Variants in SAMM50 observed in about 807,000 individuals in gnomAD.
SAMM50 encodes sorting and assembly machinery component 50 homolog.
SAMM50 carries 47 observed loss-of-function variants against 66.9 expected under a neutral mutation model. The ratio of observed to expected loss-of-function variants is 0.70; its 90% CI spans 0.56 to 0.90. The LOEUF is 0.90. Among genes scored for constraint, SAMM50 ranks in the 40% least tolerant of loss-of-function variants. The pLI is 0.00. For synonymous variants in SAMM50, 191 were observed against 214.1 expected (o/e 0.89, Z 0.94); for missense variants, 535 against 595.3 (o/e 0.90, Z 1.05).
intron 3 of SAMM50, among the ~76,000 whole-genome samples, chr22:43,966,055 G>A (rs1272096972): frequency 1.3e-5 from 2 of 152,172 alleles, no homozygotes; most frequent in Non-Finnish European, 2.9e-5. Context: ...TGTCCAGGCT[G>A]ATCTGGAACT....
rs754519677 is a variant in SAMM50 at position 43,955,541 on chromosome 22, C to T, written c.-37C>T. On this transcript the variant is annotated 5_prime_UTR_variant, in exon 1 of 15. Coordinates refer to ENST00000350028, the MANE Select transcript of SAMM50 (RefSeq NM_015380.5). ...TCAGCAGCAGACGCTCTGTCCCGCC[C>T]GGGCAGCTCTGCGAGGCAGCGGCTG... 4 of 1,591,600 alleles carry T rather than the reference C, an allele frequency of 2.5e-6. No individual in the cohort carries two copies. The highest frequency in any genetic ancestry group is 2.3e-5 in the South Asian group (2 of 87,726).
chr22:43,976,651 G>A, intron 8 of SAMM50, 99 bp from the exon 9 acceptor site: 2 of 821,074 alleles, frequency 2.4e-6, no homozygotes, highest in South Asian at 1.4e-5. Flanking sequence ...CATGATAGTT[G>A]TAGAGTGCTA....
In SAMM50 at chr22:43,964,436, C is replaced by T. The variant is rs1169621741; in HGVS notation, c.133-16C>T. ...GCCTCATGTCATCCCTAATACTGTC[C>T]CTGTGTGACTTTTAGGTGGTTGTTC... is the stretch of plus-strand genomic sequence containing the variant. On this transcript the variant is annotated splice_polypyrimidine_tract_variant and intron_variant, in intron 2 of 14. Coordinates refer to ENST00000350028, the MANE Select transcript of SAMM50 (RefSeq NM_015380.5). 1.4e-5 allele frequency: 20 copies of T among 1,415,922 alleles called. No homozygotes were observed. The highest frequency in any genetic ancestry group is 2.0e-5 in the Non-Finnish European group (20 of 1,000,384). 87.7% of individuals were successfully genotyped at this position (1,415,922 alleles called of 1,614,324 possible).
At chr22:43,993,270 G>T (rs1288370942) in intron 14 of SAMM50, among the ~76,000 whole-genome samples, 1 of 152,268 alleles carries the variant, frequency 6.6e-6, no homozygotes, top group East Asian at 1.9e-4. Flanking sequence ...CCGCCACTGT[G>T]CACGTCTCGG....
intron 10 of SAMM50, among the ~76,000 whole-genome samples, chr22:43,980,163 TTCACCCACCCACCCAC>T (rs1569032130): frequency 6.9e-3 from 57 of 8,270 alleles, no homozygotes; most frequent in Middle Eastern, 0.033. Context: ...CATCCATCCA[TTCACCCACCCACCCAC>T]CCACCCATCC....
At chr22:43,976,943 C>T (rs1239023535) in intron 9 of SAMM50, 122 bp downstream of exon 9, 5 of 622,156 alleles carry the variant, frequency 8.0e-6, no homozygotes, top group Non-Finnish European at 5.6e-6. Flanking sequence ...ATCGCACATG[C>T]AGTATCGCTT....
intron 10 of SAMM50, among the ~76,000 whole-genome samples, chr22:43,980,136 A>ACATCCATCCATCCATCCATC (rs1569032060): frequency 7.5e-5 from 1 of 13,400 alleles, no homozygotes; most frequent in African/African-American, 3.5e-4. Context: ...ACCCACCCAC[A>ACATCCATCCATCCATCCATC]CATCCATCCA....
chr22:43,959,376 A>C (rs539267273), intron 1 of SAMM50, among the ~76,000 whole-genome samples: 1 of 151,896 alleles, frequency 6.6e-6, no homozygotes, highest in Non-Finnish European at 1.5e-5. Flanking sequence ...GCTGTTCATA[A>C]CTCATTCATT....
intron 14 of SAMM50, among the ~76,000 whole-genome samples, chr22:43,994,017 T>C (rs963414696): frequency 9.9e-5 from 15 of 152,188 alleles, no homozygotes; most frequent in African/African-American, 3.6e-4. Context: ...TCAGGCAGGC[T>C]CGCTTGGGAG....
intron 12 of SAMM50, among the ~76,000 whole-genome samples, chr22:43,984,775 CA>C (rs2050283467): frequency 6.6e-6 from 1 of 152,006 alleles, no homozygotes. Context: ...ATTACAGGCA[CA>C]CACCACCACG....
chr22:43,982,345 A>G (rs560971521), intron 11 of SAMM50, among the ~76,000 whole-genome samples: 41 of 152,378 alleles, frequency 2.7e-4, no homozygotes, highest in Admixed American at 1.4e-3. Context: ...TAAGTTCCGC[A>G]GTAGGGAAAT....
intron 11 of SAMM50, among the ~76,000 whole-genome samples, chr22:43,982,879 G>A (rs1368215969): frequency 2.0e-5 from 3 of 152,084 alleles, no homozygotes; most frequent in Non-Finnish European, 4.4e-5. Flanking sequence ...CAGGTGATGC[G>A]CCCACCTCAG....
intron 1 of SAMM50, among the ~76,000 whole-genome samples, chr22:43,956,018 A>C (rs1490098704): frequency 6.6e-6 from 1 of 152,202 alleles, no homozygotes; most frequent in East Asian, 1.9e-4. Context: ...TTCTAACTCA[A>C]ACCTATCTAG....
chr22:43,984,256 GTGT>G (rs1603419963), intron 12 of SAMM50, among the ~76,000 whole-genome samples: 1 of 152,080 alleles, frequency 6.6e-6, no homozygotes, highest in Non-Finnish European at 1.5e-5. Context: ...ATGTGTAAAC[GTGT>G]TGTTGTCTGT....
chr22:43,966,808 A>ATTT (rs59436064), intron 3 of SAMM50, among the ~76,000 whole-genome samples: 15 of 149,878 alleles, frequency 1.0e-4, no homozygotes, highest in East Asian at 9.7e-4. Context: ...GAGATCCAGC[A>ATTT]TTTTTTTTTT....
At chr22:43,989,345 T>A (rs1420540944) in intron 13 of SAMM50, 88 bp downstream of exon 13, 2 of 1,409,160 alleles carry the variant, frequency 1.4e-6, no homozygotes, top group Non-Finnish European at 1.9e-6. Context: ...CTGTCTTTTT[T>A]TTTTTTTTTT....
chr22:43,968,435 G>A (rs903706215), intron 3 of SAMM50, among the ~76,000 whole-genome samples: 28 of 152,134 alleles, frequency 1.8e-4, no homozygotes, highest in Non-Finnish European at 1.6e-4. Context: ...CCAGCACAAC[G>A]TTCTAGACTG....
At chr22:43,981,615 C>T (rs559916645) in intron 11 of SAMM50, among the ~76,000 whole-genome samples, 154 bp downstream of exon 11, 20 of 152,146 alleles carry the variant, frequency 1.3e-4, no homozygotes, top group Non-Finnish European at 2.6e-4. Flanking sequence ...TTCTAAATAT[C>T]GGGTATACCT....
In SAMM50 at chr22:43,990,282, C is replaced by G. The variant is rs376687615; in HGVS notation, c.1240C>G (p.His414Asp). The G allele has an allele frequency of 3.7e-6, 6 of 1,614,054 alleles. No homozygotes were observed. Among genetic ancestry groups the G allele is most frequent in the Non-Finnish European group, 5.1e-6 (6 of 1,180,044 alleles). Reference protein sequence around the residue: ...NLNYGEGPKAHIRKLAECIRW... With the variant: ...NLNYGEGPKADIRKLAECIRW... ...CTTTTCAGGGGAGGGCCCCAAAGCT[C>G]ATATTCGTAAGCTGGCTGAGTGCAT... is the stretch of plus-strand genomic sequence containing the variant. Residue 414 changes from histidine to aspartate, a missense_variant, in exon 14 of 15, where the codon CAT becomes GAT. By Grantham distance (81) the His-to-Asp change is moderately conservative. Coordinates refer to ENST00000350028, the MANE Select transcript of SAMM50 (RefSeq NM_015380.5).
Sources: gnomAD v4.1 joint callset for allele counts (sites outside exome capture counted in the v4.1 genomes callset) on GRCh38, gnomAD v4.1.1 for gene constraint, MANE v1.5 for transcripts, NCBI Gene and HGNC (gene_info 2026-07-23, HGNC 2026-07-21) for gene names.